PIEZO2: variants seen among roughly 807,000 people sequenced by gnomAD.
PIEZO2 encodes the protein piezo type mechanosensitive ion channel component 2.
PIEZO2 carries 172 observed loss-of-function variants against 337.3 expected under a neutral mutation model. The observed-to-expected ratio is 0.51, with a 90% CI of 0.45 to 0.58. PIEZO2 has a LOEUF of 0.58. Ranked by LOEUF, PIEZO2 falls within the 20% of genes least tolerant of loss-of-function variation. The pLI, the probability that PIEZO2 is intolerant of heterozygous loss-of-function variation, is 0.00. For synonymous variants in PIEZO2, 1,251 were observed against 1,228.5 expected (o/e 1.02, Z -0.38); for missense variants, 3,028 against 3,391.3 (o/e 0.89, Z 2.66).
Position 10,682,278 on chromosome 18 carries a change from T to C in PIEZO2, c.7512A>G (p.Pro2504=), listed in dbSNP as rs1191314422. The C allele has an allele frequency of 6.5e-7, 1 of 1,536,120 alleles. No individual in the cohort carries two copies. Among genetic ancestry groups the C allele is most frequent in the Non-Finnish European group, 8.7e-7 (1 of 1,146,212 alleles). ...WRESEKRYPQ[P]RGQKKKKVVK... is the part of the protein sequence containing the mutation. ...CCACTTTCTTCTTCTTCTGGCCCCGTGGCTGAGGGTATCTCTGCAACAGAG... is the reference window on the plus strand; with the variant it reads ...CCACTTTCTTCTTCTTCTGGCCCCGCGGCTGAGGGTATCTCTGCAACAGAG... Residue 2504 remains proline (P), a synonymous_variant, in exon 50 of 56, where the codon CCA becomes CCG. Coordinates refer to ENST00000674853, the MANE Select transcript of PIEZO2 (RefSeq NM_001378183.1). This position sits in a 1 kb window ranked among gnomAD's most constrained non-coding sequence, Gnocchi z 5.6.
At chr18:11,108,725 G>A in intron 1 of PIEZO2, among the ~76,000 whole-genome samples, 1 of 151,938 alleles carries the variant, frequency 6.6e-6, no homozygotes, top group South Asian at 2.1e-4. Context: ...CTGTGTGGTG[G>A]GTCTGGTCTG....
At chr18:10,730,887 G>C (rs781151965) in intron 36 of PIEZO2, among the ~76,000 whole-genome samples, 28 of 151,908 alleles carry the variant, frequency 1.8e-4, no homozygotes, top group Non-Finnish European at 3.2e-4. Context: ...CTACCACGCC[G>C]GGCTAATTTT....
At chr18:10,860,723 C>T (rs2041849683) in intron 5 of PIEZO2, among the ~76,000 whole-genome samples, 1 of 152,190 alleles carries the variant, frequency 6.6e-6, no homozygotes, top group African/African-American at 2.4e-5. Flanking sequence ...ACACTTGTGA[C>T]TTTCATAATA....
At chr18:10,745,429 C>T (rs2037385985) in intron 30 of PIEZO2, among the ~76,000 whole-genome samples, 1 of 152,204 alleles carries the variant, frequency 6.6e-6, no homozygotes, top group Non-Finnish European at 1.5e-5. Context: ...TCCCCCTTCA[C>T]AGTCAGATGT....
In PIEZO2 at chr18:10,894,964, G is replaced by A. The variant is rs975888101; in HGVS notation, c.329+16222C>T. On this transcript the variant is annotated intron_variant, in intron 4 of 55. Coordinates refer to ENST00000674853, the MANE Select transcript of PIEZO2 (RefSeq NM_001378183.1). This position sits in a 1 kb window ranked among gnomAD's most constrained non-coding sequence, Gnocchi z 4.1. ...AACATTTTGATGTTAGATGTCTGCA[G>A]ATCCCACAATCCCTCCCTCTCTTTC... Among the ~76,000 whole-genome samples the A allele has an allele frequency of 1.8e-4, 27 of 152,200 alleles. No homozygotes were observed. Among genetic ancestry groups the A allele is most frequent in the African/African-American group, 6.3e-4 (26 of 41,446 alleles).
Position 10,872,985 on chromosome 18 carries a change from A to G in PIEZO2, c.330-1570T>C, listed in dbSNP as rs2042175105. On this transcript the variant is annotated intron_variant, in intron 4 of 55. Coordinates refer to ENST00000674853, the MANE Select transcript of PIEZO2 (RefSeq NM_001378183.1). The surrounding 1 kb of genome is among the most constrained non-coding windows in gnomAD (Gnocchi z 4.3). ...TTAAGTCTTTGAAAAAATGTTTATC[A>G]GAGATACAACTTACTTAGGGAAAGG... 6.6e-6 allele frequency among the ~76,000 whole-genome samples: 1 copy of G among 152,208 alleles called. No individual in the cohort carries two copies. Among genetic ancestry groups the G allele is most frequent in the Non-Finnish European group, 1.5e-5 (1 of 68,042 alleles).
intron 7 of PIEZO2, among the ~76,000 whole-genome samples, chr18:10,849,016 CTTTTT>C (rs200983956): frequency 4.0e-5 from 6 of 151,792 alleles, no homozygotes; most frequent in Non-Finnish European, 8.8e-5. Flanking sequence ...CCAAGGATTC[CTTTTT>C]TTTGAGACAG....
At chr18:10,679,161 T>C (rs2034151499) in intron 52 of PIEZO2, among the ~76,000 whole-genome samples, 1 of 152,202 alleles carries the variant, frequency 6.6e-6, no homozygotes, top group African/African-American at 2.4e-5. Context: ...CTCAAACTCC[T>C]GGCCTCAAGT....
chr18:10,756,931 GAGGAGAAGC>G, intron 27 of PIEZO2, among the ~76,000 whole-genome samples: 1 of 79,664 alleles, frequency 1.3e-5, no homozygotes, highest in South Asian at 3.3e-4. Flanking sequence ...AGGGATGGAG[GAGGAGAAGC>G]AGGGATGAAG....
intron 1 of PIEZO2, among the ~76,000 whole-genome samples, chr18:11,067,058 C>A (rs1179896861): frequency 1.3e-5 from 2 of 152,222 alleles, no homozygotes; most frequent in Non-Finnish European, 2.9e-5. Context: ...AAGCATACCA[C>A]TAGAGAAAAT....
intron 3 of PIEZO2, among the ~76,000 whole-genome samples, chr18:10,933,696 G>A (rs2032218043): frequency 6.6e-6 from 1 of 152,210 alleles, no homozygotes; most frequent in Admixed American, 6.5e-5. Context: ...GAATGAAGGG[G>A]CGGTGACATG....
intron 4 of PIEZO2, among the ~76,000 whole-genome samples, chr18:10,892,456 G>T (rs2042782949): frequency 6.6e-6 from 1 of 152,156 alleles, no homozygotes; most frequent in African/African-American, 2.4e-5. Context: ...TCAGATCAGT[G>T]GTTGCCACGG....
At chr18:10,873,158 C>A (rs1229215633) in intron 4 of PIEZO2, among the ~76,000 whole-genome samples, 1 of 151,994 alleles carries the variant, frequency 6.6e-6, no homozygotes, top group Non-Finnish European at 1.5e-5. Flanking sequence ...ATAGCAAGAA[C>A]CTTGGCATCT....
In PIEZO2 at chr18:10,894,618, C is replaced by T. The variant is rs1391708016; in HGVS notation, c.329+16568G>A. 2 of 152,232 alleles carry T rather than the reference C, an allele frequency of 1.3e-5. No homozygotes were observed. The highest frequency in any genetic ancestry group is 6.5e-5 in the Admixed American group (1 of 15,280). The allele number at this position is 152,232 out of a possible 1,614,324, so 9.4% of individuals were successfully genotyped here. A position where few individuals can be genotyped will look rare whatever the true frequency, so the allele number is the denominator to read the frequency against. On this transcript the variant is annotated intron_variant, in intron 4 of 55. Coordinates refer to ENST00000674853, the MANE Select transcript of PIEZO2 (RefSeq NM_001378183.1). The surrounding 1 kb of genome is among the most constrained non-coding windows in gnomAD (Gnocchi z 4.1). Reference sequence around the variant, plus strand: ...GGCAGCTGTGCATGTGGGCAGCCCACCCCAAAGGAAGAAGAATCAGGAAAG... The same window carrying T: ...GGCAGCTGTGCATGTGGGCAGCCCATCCCAAAGGAAGAAGAATCAGGAAAG...
intron 2 of PIEZO2, among the ~76,000 whole-genome samples, chr18:10,990,424 G>T (rs975408295): frequency 3.3e-5 from 5 of 152,016 alleles, no homozygotes; most frequent in African/African-American, 1.2e-4. Context: ...ACAGTAAATT[G>T]CTTCAACTCT....
intron 7 of PIEZO2, among the ~76,000 whole-genome samples, chr18:10,848,761 G>C (rs1318081895): frequency 1.3e-5 from 2 of 152,202 alleles, no homozygotes; most frequent in Admixed American, 1.3e-4. Flanking sequence ...ATTGTTCAAA[G>C]TTGCATGCTC....
At position 10,726,271 on chromosome 18, in the gene PIEZO2, G is replaced by A. The variant is rs117746514; in HGVS notation, c.5029+5136C>T. On this transcript the variant is annotated intron_variant, in intron 36 of 55. Transcript: ENST00000674853. The surrounding 1 kb of genome is among the most constrained non-coding windows in gnomAD (Gnocchi z 5.9). ...TGTGCGAGCCTGTGTTCGGGAGCAT[G>A]AGAATGGAAGCGTCGCGGCCAGAGC... is the stretch of plus-strand genomic sequence containing the variant. 0.014 allele frequency: 11,551 copies of A among 835,776 alleles called. 147 individuals are homozygous for A. The highest frequency in any genetic ancestry group is 0.017 in the Non-Finnish European group (8,645 of 515,614). 51.8% of individuals were successfully genotyped at this position (835,776 alleles called of 1,614,324 possible).
In PIEZO2 at chr18:10,713,580, C is replaced by G. The variant is rs575990070; in HGVS notation, c.5423+1184G>C. On this transcript the variant is annotated intron_variant, in intron 39 of 55. Coordinates refer to ENST00000674853, the MANE Select transcript of PIEZO2 (RefSeq NM_001378183.1). The surrounding 1 kb of genome is among the most constrained non-coding windows in gnomAD (Gnocchi z 4.5). ...CTGACCAGCAGTCAGAGACACCAGTCTCTACTGTCCTCCCCAGGGCAAGCA... is the reference window on the plus strand; with the variant it reads ...CTGACCAGCAGTCAGAGACACCAGTGTCTACTGTCCTCCCCAGGGCAAGCA... 6.6e-6 allele frequency among the ~76,000 whole-genome samples: 1 copy of G among 152,322 alleles called. No individual in the cohort carries two copies. Among genetic ancestry groups the G allele is most frequent in the Non-Finnish European group, 1.5e-5 (1 of 68,028 alleles).
At chr18:11,012,019 G>A (rs75776127) in intron 2 of PIEZO2, among the ~76,000 whole-genome samples, 87 of 152,198 alleles carry the variant, frequency 5.7e-4, no homozygotes, top group African/African-American at 1.5e-3. Flanking sequence ...CTGTAAAACC[G>A]AAGAAAGGTA....
Sources: allele counts gnomAD v4.1 joint callset (sites outside exome capture counted in the v4.1 genomes callset), GRCh38; gene constraint gnomAD v4.1.1; non-coding constraint Gnocchi (gnomAD v3.1); transcripts MANE v1.5; gene names NCBI Gene and HGNC (gene_info 2026-07-23, HGNC 2026-07-21).